Variants in RIMKLA observed in about 807,000 individuals in gnomAD.
The protein encoded by RIMKLA is ribosomal modification protein rimK like family member A.
RIMKLA carries 14 observed loss-of-function variants against 32.7 expected under a neutral mutation model. The ratio of observed to expected loss-of-function variants is 0.43; its 90% CI spans 0.28 to 0.67. The LOEUF is 0.67. RIMKLA is among the 30% of genes least tolerant of loss of function. The probability of loss-of-function intolerance (pLI) is 0.18; values close to 1 mark genes in which losing one functional copy is unlikely to be tolerated. For synonymous variants in RIMKLA, 176 were observed against 204.1 expected (o/e 0.86, Z 1.18); for missense variants, 410 against 519.0 (o/e 0.79, Z 2.04).
At chr1:42,405,240 T>C (rs1057204776) in intron 3 of RIMKLA, among the ~76,000 whole-genome samples, 7 of 152,212 alleles carry the variant, frequency 4.6e-5, no homozygotes. Flanking sequence ...CAGACAAAAT[T>C]AATTGCTCTT....
rs116731973 is a variant in RIMKLA at position 42,423,955 on chromosome 1, T to C, written c.*8981T>C. ...TTTGTTAGAAAATTCTGGCTGAAAT[T>C]CTCATGAGATGGGTCAGGGAACCTT... On this transcript the variant is annotated 3_prime_UTR_variant, in exon 5 of 5. Coordinates refer to ENST00000431473, the MANE Select transcript of RIMKLA (RefSeq NM_173642.4). Among the ~76,000 whole-genome samples the C allele has an allele frequency of 6.0e-4, 91 of 152,246 alleles. 1 individual carries two copies. Among genetic ancestry groups the C allele is most frequent in the African/African-American group, 2.0e-3 (83 of 41,540 alleles).
At chr1:42,408,027 A>G (rs1418864315) in intron 3 of RIMKLA, among the ~76,000 whole-genome samples, 5 of 152,176 alleles carry the variant, frequency 3.3e-5, no homozygotes, top group Non-Finnish European at 7.3e-5. Context: ...TAATGTCCGG[A>G]GAACCCAGTG....
intron 1 of RIMKLA, among the ~76,000 whole-genome samples, chr1:42,389,945 C>T (rs950155816): frequency 1.3e-5 from 2 of 151,428 alleles, no homozygotes; most frequent in Middle Eastern, 3.4e-3. Context: ...TATAAACAGT[C>T]TAAGAGTTTT....
intron 1 of RIMKLA, among the ~76,000 whole-genome samples, chr1:42,382,134 G>T (rs1642894867): frequency 6.6e-6 from 1 of 152,198 alleles, no homozygotes; most frequent in South Asian, 2.1e-4. Flanking sequence ...TTTCTGAGTG[G>T]AATATATCTG....
chr1:42,396,236 C>CAAAAAAAA (rs11363612), intron 1 of RIMKLA, among the ~76,000 whole-genome samples: 17 of 60,898 alleles, frequency 2.8e-4, no homozygotes, highest in South Asian at 1.9e-3. Context: ...AACTCCATCT[C>CAAAAAAAA]AAAAAAAAAA....
Position 42,418,330 on chromosome 1 carries a change from G to A in RIMKLA, c.*3356G>A, listed in dbSNP as rs1643268392. ...TGATCGGGTATGGGGTTGCCAGAAT[G>A]AGGATTTGGGGCTTTAGGTCTTTCG... On this transcript the variant is annotated 3_prime_UTR_variant, in exon 5 of 5. Coordinates refer to ENST00000431473, the MANE Select transcript of RIMKLA (RefSeq NM_173642.4). The A allele has an allele frequency of 6.6e-6, 1 of 152,176 alleles. No homozygotes were observed. The highest frequency in any genetic ancestry group is 2.1e-4 in the South Asian group (1 of 4,826). 9.4% of individuals were successfully genotyped at this position (152,176 alleles called of 1,614,324 possible). A position where few individuals can be genotyped will look rare whatever the true frequency, so the allele number is the denominator to read the frequency against.
At chr1:42,399,962 T>C (rs562384759) in intron 2 of RIMKLA, among the ~76,000 whole-genome samples, 7 of 152,272 alleles carry the variant, frequency 4.6e-5, no homozygotes, top group African/African-American at 1.7e-4. Flanking sequence ...TTCAGAGCAA[T>C]GTGAAACATG....
rs1553177344 is a variant in RIMKLA at position 42,411,349 on chromosome 1, AAGAG to A, written c.685+1166_685+1169del. Among the ~76,000 whole-genome samples, 14 of 151,792 alleles carry A rather than the reference AAGAG, an allele frequency of 9.2e-5. No homozygotes were observed. In the South Asian group the frequency reaches 1.2e-3, roughly 14 times the overall value. ...GACCCTATCTCTTAAAAAAAAAAAAAAGAGAGATAATTATAAGATAATTGTGATA... is the reference window on the plus strand; with the variant it reads ...GACCCTATCTCTTAAAAAAAAAAAAAAGATAATTATAAGATAATTGTGATA... On this transcript the variant is annotated intron_variant, in intron 4 of 4. Coordinates refer to ENST00000431473, the MANE Select transcript of RIMKLA (RefSeq NM_173642.4).
intron 3 of RIMKLA, among the ~76,000 whole-genome samples, chr1:42,407,097 G>T (rs6678771): frequency 0.41 from 61,440 of 151,698 alleles, 12,996 homozygotes; most frequent in Middle Eastern, 0.55. Flanking sequence ...ATAGAGATGA[G>T]ATTTTGTCAT....
chr1:42,385,975 G>A (rs1482829966), intron 1 of RIMKLA, among the ~76,000 whole-genome samples: 1 of 149,558 alleles, frequency 6.7e-6, no homozygotes, highest in Non-Finnish European at 1.5e-5. Flanking sequence ...AGGCTGGAGT[G>A]CAGTGGTGTG....
At chr1:42,413,346 C>A (rs1282655822) in intron 4 of RIMKLA, among the ~76,000 whole-genome samples, 11 of 151,580 alleles carry the variant, frequency 7.3e-5, no homozygotes, top group African/African-American at 2.7e-4. Context: ...ACTAAAAATA[C>A]AACAATTAGC....
chr1:42,414,590 G>A lies in RIMKLA; in HGVS notation c.792G>A (p.Met264Ile). 1 of 1,614,224 alleles carries A rather than the reference G, an allele frequency of 6.2e-7. No homozygotes were observed. Residue 264 changes from methionine (M) to isoleucine (I), a missense_variant, in exon 5 of 5, where the codon ATG becomes ATA. Physicochemically the swap from Met to Ile is conservative, Grantham distance 10. Coordinates refer to ENST00000431473, the MANE Select transcript of RIMKLA (RefSeq NM_173642.4). The stretch of plus-strand genomic sequence containing the variant: ...TCTGTGGCATTGATCTCCTTATCAT[G>A]GACGATGGCTCCTTTGTGGTGTGTG... The part of the protein sequence containing the change: ...MDFCGIDLLI[M>I]DDGSFVVCEA...
intron 2 of RIMKLA, 111 bp from the exon 3 acceptor site, chr1:42,404,400 T>C: frequency 1.4e-6 from 1 of 737,054 alleles, no homozygotes; most frequent in Non-Finnish European, 2.4e-6. Flanking sequence ...TGAATGGCCT[T>C]AATCAGAGAG....
chr1:42,410,915 A>G (rs893939276), intron 4 of RIMKLA, among the ~76,000 whole-genome samples: 5 of 152,222 alleles, frequency 3.3e-5, no homozygotes, highest in Non-Finnish European at 7.3e-5. Flanking sequence ...AGGCTTAGAC[A>G]CTGTCTGGCA....
In RIMKLA at chr1:42,422,055, C is replaced by T. The variant is rs1226194030; in HGVS notation, c.*7081C>T. The stretch of plus-strand genomic sequence containing the variant: ...AACACTCTATATCAAGACCCCCCTC[C>T]CCGAGAGCTGGTTGTTAAACATTTG... On this transcript the variant is annotated 3_prime_UTR_variant, in exon 5 of 5. Transcript: ENST00000431473. The T allele has an allele frequency of 6.6e-6, 1 of 152,124 alleles. No individual in the cohort carries two copies. Among genetic ancestry groups the T allele is most frequent in the East Asian group, 1.9e-4 (1 of 5,186 alleles). 9.4% of individuals were successfully genotyped at this position (152,124 alleles called of 1,614,324 possible).
intron 1 of RIMKLA, among the ~76,000 whole-genome samples, chr1:42,385,891 T>TTCTTTCCTTCTTTCC (rs1642941403): frequency 4.0e-4 from 31 of 77,126 alleles, no homozygotes; most frequent in African/African-American, 1.5e-3. Context: ...TCTTTCTTTC[T>TTCTTTCCTTCTTTCC]TTCTTTCCTT....
At position 42,417,978 on chromosome 1, in the gene RIMKLA, C is replaced by T. The variant is rs1337182271; in HGVS notation, c.*3004C>T. On this transcript the variant is annotated 3_prime_UTR_variant, in exon 5 of 5. Coordinates refer to ENST00000431473, the MANE Select transcript of RIMKLA (RefSeq NM_173642.4). ...GCCACACATTCTTGGCATTAGCACA[C>T]CAAACAGTGGTAGGGTACCCTGAGA... The T allele has an allele frequency of 1.3e-5, 2 of 151,280 alleles. No individual in the cohort carries two copies. The highest frequency in any genetic ancestry group is 2.9e-5 in the Non-Finnish European group (2 of 67,988). 9.4% of individuals were successfully genotyped at this position (151,280 alleles called of 1,614,324 possible).
Position 42,415,071 on chromosome 1 carries a change from A to G in RIMKLA, c.*97A>G. 3.0e-6 allele frequency: 4 copies of G among 1,326,124 alleles called. No homozygotes were observed. The highest frequency in any genetic ancestry group is 4.1e-6 in the Non-Finnish European group (4 of 975,342). The allele number at this position is 1,326,124 out of a possible 1,614,324, so 82.1% of individuals were successfully genotyped here. On this transcript the variant is annotated 3_prime_UTR_variant, in exon 5 of 5. Transcript: ENST00000431473. ...GACTAATGTGATTTCATTTGCACAG[A>G]AACTAGAAATCCCATCTGGGCACTC... is the stretch of plus-strand genomic sequence containing the variant.
Position 42,414,957 on chromosome 1 carries a change from G to C in RIMKLA, c.1159G>C (p.Glu387Gln). The C allele has an allele frequency of 6.2e-7, 1 of 1,607,468 alleles. No individual in the cohort carries two copies. The highest frequency in any genetic ancestry group is 8.5e-7 in the Non-Finnish European group (1 of 1,176,502). ...GYNINNRIAS[E>Q]LKLK Reference sequence around the variant, plus strand: ...CAACATTAACAACAGGATTGCTTCTGAGTTAAAACTTAAGTGAATTCCTGC... The same window carrying C: ...CAACATTAACAACAGGATTGCTTCTCAGTTAAAACTTAAGTGAATTCCTGC... The change falls in exon 5 of 5, where the codon GAG (glutamate) becomes CAG (glutamine). Residue 387 changes from glutamate (E) to glutamine (Q), a missense_variant. Transcript: ENST00000431473.
Sources: allele counts gnomAD v4.1 joint callset (sites outside exome capture counted in the v4.1 genomes callset), GRCh38; gene constraint gnomAD v4.1.1; transcripts MANE v1.5; gene names NCBI Gene and HGNC (gene_info 2026-07-23, HGNC 2026-07-21).